The following CACNG4 variants were observed in gnomAD, a reference collection of about 807,000 sequenced individuals.
CACNG4 encodes the protein calcium voltage-gated channel auxiliary subunit gamma 4.
CACNG4 carries 8 observed loss-of-function variants against 22.9 expected under a neutral mutation model. The ratio of observed to expected loss-of-function variants is 0.35; its 90% CI spans 0.21 to 0.63. CACNG4 has a LOEUF of 0.63. CACNG4 is among the 30% of genes least tolerant of loss of function. CACNG4 has a pLI of 0.72. For synonymous variants in CACNG4, 188 were observed against 191.9 expected, an observed-to-expected ratio of 0.98 and a Z score of 0.17; for missense variants, 357 against 455.4, an observed-to-expected ratio of 0.78 and a Z score of 1.97.
At chr17:66,972,883 ACCAC>A (rs2035213078) in intron 1 of CACNG4, among the ~76,000 whole-genome samples, 1 of 151,980 alleles carries the variant, frequency 6.6e-6, no homozygotes, top group Non-Finnish European at 1.5e-5. Context: ...CTGAGATCCC[ACCAC>A]CGCACTCCAG....
chr17:66,975,634 T>C (rs73994701), intron 1 of CACNG4, among the ~76,000 whole-genome samples: 3,225 of 152,298 alleles, frequency 0.021, 114 homozygotes, highest in African/African-American at 0.073. Flanking sequence ...ATGGAATTTT[T>C]CCCAGAAGAC....
intron 1 of CACNG4, among the ~76,000 whole-genome samples, chr17:67,017,373 G>A (rs919702436): frequency 2.6e-5 from 4 of 151,776 alleles, no homozygotes; most frequent in African/African-American, 4.8e-5. Flanking sequence ...CACTGCATCC[G>A]GCCATAACTA....
Position 67,030,955 on chromosome 17 carries a change from A to G in CACNG4, c.935A>G (p.Lys312Arg). 1.2e-6 allele frequency: 2 copies of G among 1,613,884 alleles called. No individual in the cohort carries two copies. Among genetic ancestry groups the G allele is most frequent in the Non-Finnish European group, 1.7e-6 (2 of 1,179,984 alleles). The change falls in exon 4 of 4, where the codon AAG (lysine) becomes AGG (arginine). Residue 312 changes from lysine to arginine, a missense_variant. By Grantham distance (26) the Lys-to-Arg change is conservative (BLOSUM62 2). Around this residue, in one of 3 missense-constraint regions of CACNG4, gnomAD observed 240 missense variants for 277.6 expected, o/e 0.86. Coordinates refer to ENST00000262138, the MANE Select transcript of CACNG4 (RefSeq NM_014405.4). The surrounding 1 kb of genome is among the most constrained non-coding windows in gnomAD (Gnocchi z 6.4). ...QVHDFFQQDL[K>R]EGFHVSMLNR... is the part of the protein sequence containing the mutation. Reference sequence around the variant, plus strand: ...CATGACTTTTTCCAGCAGGACCTGAAGGAAGGTTTCCACGTCAGCATGCTG... The same window carrying G: ...CATGACTTTTTCCAGCAGGACCTGAGGGAAGGTTTCCACGTCAGCATGCTG...
At chr17:66,997,253 A>G (rs926024428) in intron 1 of CACNG4, among the ~76,000 whole-genome samples, 4 of 152,174 alleles carry the variant, frequency 2.6e-5, no homozygotes, top group African/African-American at 9.7e-5. Flanking sequence ...AGAGGGGTGG[A>G]TTTGAGGCAT....
intron 1 of CACNG4, among the ~76,000 whole-genome samples, chr17:66,994,891 G>C (rs2035364864): frequency 6.6e-6 from 1 of 152,148 alleles, no homozygotes. Flanking sequence ...TGGGGGCATT[G>C]GTAGGAGGAG....
At chr17:66,999,855 G>C (rs1245589115) in intron 1 of CACNG4, among the ~76,000 whole-genome samples, 1 of 152,220 alleles carries the variant, frequency 6.6e-6, no homozygotes, top group Admixed American at 6.5e-5. Context: ...GATAGATGAG[G>C]CTCCTTGTCC....
At chr17:67,018,843 G>A (rs1027457190) in intron 2 of CACNG4, among the ~76,000 whole-genome samples, 11 of 152,192 alleles carry the variant, frequency 7.2e-5, no homozygotes, top group Non-Finnish European at 1.6e-4. Flanking sequence ...TTTCAGCACC[G>A]CCTCTGCCCA....
At position 67,031,046 on chromosome 17, in the gene CACNG4, G is replaced by A. The variant is rs760016889; in HGVS notation, c.*42G>A. On this transcript the variant is annotated 3_prime_UTR_variant, in exon 4 of 4. Transcript: ENST00000262138. The surrounding 1 kb of genome is among the most constrained non-coding windows in gnomAD (Gnocchi z 4.0). ...CTCCGCTCCAGCCTCTCCCCAGAACGGCTCTTTTTGTCACACAGGATGGCA... is the reference window on the plus strand; with the variant it reads ...CTCCGCTCCAGCCTCTCCCCAGAACAGCTCTTTTTGTCACACAGGATGGCA... The A allele has an allele frequency of 4.5e-6, 7 of 1,565,720 alleles. No homozygotes were observed. The highest frequency in any genetic ancestry group is 1.4e-5 in the African/African-American group (1 of 73,448).
At chr17:66,997,500 G>C (rs1243806123) in intron 1 of CACNG4, among the ~76,000 whole-genome samples, 1 of 152,162 alleles carries the variant, frequency 6.6e-6, no homozygotes, top group Admixed American at 6.5e-5. Context: ...GCCTGAGTCT[G>C]AGGAATTGCA....
intron 1 of CACNG4, among the ~76,000 whole-genome samples, chr17:66,965,802 G>A (rs1044180123): frequency 1.3e-5 from 2 of 152,084 alleles, no homozygotes; most frequent in East Asian, 3.9e-4. Context: ...CCAGCCCGAC[G>A]CCCGCCTCGT....
chr17:66,970,338 A>G (rs904085121), intron 1 of CACNG4, among the ~76,000 whole-genome samples: 1 of 152,188 alleles, frequency 6.6e-6, no homozygotes, highest in African/African-American at 2.4e-5. Context: ...GTCATAAAAT[A>G]TGATAGACTG....
At chr17:66,970,853 T>C (rs2035199926) in intron 1 of CACNG4, among the ~76,000 whole-genome samples, 1 of 152,206 alleles carries the variant, frequency 6.6e-6, no homozygotes, top group South Asian at 2.1e-4. Context: ...TCTCCAATCA[T>C]TCAGGAAGAG....
At chr17:66,975,436 C>G (rs1380682971) in intron 1 of CACNG4, among the ~76,000 whole-genome samples, 1 of 152,210 alleles carries the variant, frequency 6.6e-6, no homozygotes, top group African/African-American at 2.4e-5. Flanking sequence ...ATTGCCTAAC[C>G]TCTCTGAACT....
rs896460843 is a variant in CACNG4 at position 67,024,714 on chromosome 17, C to T, written c.305-146C>T. ...CTGAGCCTCCCCAGGCACTGGCCCACCTCGAGTCTCCAGGTCCTGATGGGA... is the reference window on the plus strand; with the variant it reads ...CTGAGCCTCCCCAGGCACTGGCCCATCTCGAGTCTCCAGGTCCTGATGGGA... On this transcript the variant is annotated intron_variant, in intron 2 of 3. Coordinates refer to ENST00000262138, the MANE Select transcript of CACNG4 (RefSeq NM_014405.4). The T allele has an allele frequency of 2.1e-5, 19 of 908,076 alleles. No individual in the cohort carries two copies. In the Admixed American group the frequency reaches 6.1e-4, roughly 29 times the overall value. The allele number at this position is 908,076 out of a possible 1,614,324, so 56.3% of individuals were successfully genotyped here. A position where few individuals can be genotyped will look rare whatever the true frequency, so the allele number is the denominator to read the frequency against.
chr17:67,015,415 G>A (rs1472791512), intron 1 of CACNG4, among the ~76,000 whole-genome samples: 1 of 152,186 alleles, frequency 6.6e-6, no homozygotes, highest in East Asian at 1.9e-4. Flanking sequence ...CGAGGGCAGC[G>A]TGGGGACTCC....
intron 1 of CACNG4, among the ~76,000 whole-genome samples, chr17:67,000,149 G>T (rs1369872019): frequency 6.6e-6 from 1 of 152,136 alleles, no homozygotes; most frequent in Non-Finnish European, 1.5e-5. Flanking sequence ...CTGCATTCAG[G>T]ACTCTCCTCT....
chr17:66,993,255 C>T lies in CACNG4; in HGVS notation c.221-24934C>T, dbSNP rs150146885. 4.6e-5 allele frequency among the ~76,000 whole-genome samples: 7 copies of T among 152,324 alleles called. No individual in the cohort carries two copies. The East Asian group carries it at 9.6e-4, about 21-fold the overall frequency. ...AGGTTTTCCATCATTTATTAATGAGCGTTGGCAGCGGTCCTGTGAATTAAG... is the reference window on the plus strand; with the variant it reads ...AGGTTTTCCATCATTTATTAATGAGTGTTGGCAGCGGTCCTGTGAATTAAG... On this transcript the variant is annotated intron_variant, in intron 1 of 3. Transcript: ENST00000262138.
At chr17:66,988,316 C>T (rs901550211) in intron 1 of CACNG4, among the ~76,000 whole-genome samples, 1 of 152,138 alleles carries the variant, frequency 6.6e-6, no homozygotes, top group Non-Finnish European at 1.5e-5. Context: ...TCGGCCAGTC[C>T]GGTCATCAGA....
intron 3 of CACNG4, among the ~76,000 whole-genome samples, chr17:67,025,528 G>A (rs913875721): frequency 2.6e-5 from 4 of 152,258 alleles, no homozygotes; most frequent in Non-Finnish European, 4.4e-5. Flanking sequence ...AGTCCAGGGT[G>A]CCCTGGGAAG....
Sources: gnomAD v4.1 joint callset for allele counts (sites outside exome capture counted in the v4.1 genomes callset) on GRCh38, gnomAD v4.1.1 for gene constraint, gnomAD v4.1.1 regional missense constraint, Gnocchi (gnomAD v3.1) non-coding constraint, MANE v1.5 for transcripts, NCBI Gene and HGNC (gene_info 2026-07-23, HGNC 2026-07-21) for gene names.